The following PPARGC1A variants were observed in gnomAD, a reference collection of about 807,000 sequenced individuals.
PPARGC1A encodes the protein PPARG coactivator 1 alpha.
Under a neutral mutation model 88.7 loss-of-function variants are expected in PPARGC1A, and 25 were observed. The observed-to-expected ratio is 0.28, with a 90% confidence interval of 0.21 to 0.39. The LOEUF (loss-of-function observed/expected upper bound fraction) is 0.39, where lower values mean the gene tolerates loss of function less well. Among genes scored for constraint, PPARGC1A ranks in the 10% least tolerant of loss-of-function variants. The probability of loss-of-function intolerance (pLI) is 1.00; values close to 1 mark genes in which losing one functional copy is unlikely to be tolerated. For missense variants in PPARGC1A, 880 were observed against 968.7 expected, an observed-to-expected ratio of 0.91 and a Z score of 1.22; for synonymous variants, 363 against 355.6, an observed-to-expected ratio of 1.02 and a Z score of -0.24.
chr4:23,959,012 C>G, the PPARGC1A span, among the ~76,000 whole-genome samples: 1 of 56,122 alleles, frequency 1.8e-5, no homozygotes, highest in Non-Finnish European at 4.3e-5. Flanking sequence ...ATGTATTTAC[C>G]AAACCAAAAA....
the PPARGC1A span, among the ~76,000 whole-genome samples, chr4:24,268,506 A>G: frequency 1.3e-5 from 2 of 152,218 alleles, no homozygotes; most frequent in South Asian, 4.1e-4. Context: ...ATGCTCTTAT[A>G]TTGGGCACAG....
chr4:24,282,530 T>A, the PPARGC1A span, among the ~76,000 whole-genome samples: 201 of 152,346 alleles, frequency 1.3e-3, 3 homozygotes, highest in East Asian at 0.033. Flanking sequence ...CATCAGAACG[T>A]GTCACTGATG....
At chr4:24,270,061 G>A in the PPARGC1A span, among the ~76,000 whole-genome samples, 43,750 of 152,080 alleles carry the variant, frequency 0.29, 7,012 homozygotes, top group East Asian at 0.45. Context: ...TGAGTACAGC[G>A]TATTGCCCTC....
At chr4:24,058,111 C>A in the PPARGC1A span, among the ~76,000 whole-genome samples, 169 of 152,282 alleles carry the variant, frequency 1.1e-3, 3 homozygotes, top group South Asian at 0.033. Flanking sequence ...AGCATCTTCA[C>A]GTGGTACCCA....
chr4:24,129,280 C>T, the PPARGC1A span, among the ~76,000 whole-genome samples: 2 of 152,100 alleles, frequency 1.3e-5, no homozygotes, highest in African/African-American at 4.8e-5. Flanking sequence ...ATGAGACTTG[C>T]CTTAGCTATC....
chr4:23,872,661 C>A (rs1018237707), intron 2 of PPARGC1A, among the ~76,000 whole-genome samples: 2 of 152,182 alleles, frequency 1.3e-5, no homozygotes, highest in African/African-American at 4.8e-5. Flanking sequence ...TTGTAAAAGG[C>A]CTGTCTTCAT....
chr4:24,399,300 A>G, the PPARGC1A span, among the ~76,000 whole-genome samples: 136 of 152,330 alleles, frequency 8.9e-4, no homozygotes, highest in Non-Finnish European at 1.7e-3. Flanking sequence ...TTACCAGAAT[A>G]CCTGGGCAAC....
At chr4:24,202,077 T>A in the PPARGC1A span, among the ~76,000 whole-genome samples, 3 of 152,064 alleles carry the variant, frequency 2.0e-5, no homozygotes, top group Non-Finnish European at 2.9e-5. Context: ...AATTTTTGTA[T>A]TTTTTGTAGT....
the PPARGC1A span, among the ~76,000 whole-genome samples, chr4:24,168,814 C>T: frequency 1.3e-5 from 2 of 152,160 alleles, no homozygotes; most frequent in Non-Finnish European, 2.9e-5. Flanking sequence ...TATAAACACA[C>T]GATTGAATAA....
the PPARGC1A span, among the ~76,000 whole-genome samples, chr4:24,273,990 C>G: frequency 6.6e-6 from 1 of 151,848 alleles, no homozygotes; most frequent in Non-Finnish European, 1.5e-5. Context: ...TCCACCGCCT[C>G]AACCTCCCAA....
At chr4:24,332,110 GT>G in the PPARGC1A span, among the ~76,000 whole-genome samples, 334 of 150,680 alleles carry the variant, frequency 2.2e-3, 1 homozygote, top group African/African-American at 7.9e-3. Flanking sequence ...AGAACAGTGG[GT>G]TTTTTTTTGT....
chr4:23,904,003 TGAATCCATA>T, upstream of PPARGC1A: 1 of 965,052 alleles, frequency 1.0e-6, no homozygotes, highest in Non-Finnish European at 1.2e-6. Flanking sequence ...CTTTCAAAAT[TGAATCCATA>T]GATGATAACC....
the PPARGC1A span, among the ~76,000 whole-genome samples, chr4:24,212,598 C>A: frequency 3.9e-5 from 6 of 152,182 alleles, no homozygotes; most frequent in African/African-American, 1.4e-4. Context: ...CTAAAATCCT[C>A]TAGTGTACAT....
the PPARGC1A span, among the ~76,000 whole-genome samples, chr4:24,109,036 C>CA: frequency 9.3e-5 from 12 of 128,626 alleles, no homozygotes; most frequent in African/African-American, 4.2e-4. Flanking sequence ...CACACACACA[C>CA]CACACACACA....
chr4:23,828,363 T>A lies in PPARGC1A; in HGVS notation c.757+37A>T, dbSNP rs780013603. The A allele has an allele frequency of 4.5e-6, 7 of 1,568,928 alleles. No homozygotes were observed. In the Admixed American group the frequency reaches 1.2e-4, roughly 26 times the overall value. On this transcript the variant is annotated intron_variant, in intron 5 of 12. Transcript: ENST00000264867. ...TTGCATGTGCTTTCTTTGCTTCCAG[T>A]GCCCTCACCAACAGCTCGTTTTGGT...
At chr4:24,172,825 C>T in the PPARGC1A span, among the ~76,000 whole-genome samples, 1 of 152,154 alleles carries the variant, frequency 6.6e-6, no homozygotes, top group African/African-American at 2.4e-5. Context: ...CTGAATACAC[C>T]GCCGTGTTTC....
chr4:23,895,024 A>C (rs1718360409), upstream of PPARGC1A, among the ~76,000 whole-genome samples: 1 of 151,992 alleles, frequency 6.6e-6, no homozygotes, highest in Non-Finnish European at 1.5e-5. Context: ...ATTTGGCACT[A>C]TTTAAAATTT....
chr4:24,099,705 T>A, the PPARGC1A span, among the ~76,000 whole-genome samples: 1 of 152,168 alleles, frequency 6.6e-6, no homozygotes, highest in Non-Finnish European at 1.5e-5. Flanking sequence ...TTCTTGTGGC[T>A]GTTGTAAAAT....
intron 1 of PPARGC1A, among the ~76,000 whole-genome samples, chr4:23,887,603 T>C (rs1393487805): frequency 2.0e-5 from 3 of 152,192 alleles, no homozygotes; most frequent in Admixed American, 6.5e-5. Context: ...CTAATTATTG[T>C]ATGTTATTTC....
Sources: allele counts gnomAD v4.1 joint callset (sites outside exome capture counted in the v4.1 genomes callset), GRCh38; gene constraint gnomAD v4.1.1; transcripts MANE v1.5; gene names NCBI Gene and HGNC (gene_info 2026-07-23, HGNC 2026-07-21).